LAMA2: variants seen among roughly 807,000 people sequenced by gnomAD.
LAMA2 encodes the protein laminin subunit alpha 2.
A neutral mutation model predicts 364.8 loss-of-function variants in LAMA2; 269 were observed. The ratio of observed to expected loss-of-function variants is 0.74; its 90% CI spans 0.67 to 0.82. LAMA2 has a LOEUF of 0.82. LAMA2 is among the 40% of genes least tolerant of loss of function. LAMA2 has a pLI of 0.00. For synonymous variants in LAMA2, 1,379 were observed against 1,370.6 expected, an observed-to-expected ratio of 1.01 and a Z score of -0.14; for missense variants, 3,807 against 3,873.2, an observed-to-expected ratio of 0.98 and a Z score of 0.45.
At chr6:129,157,485 T>A (rs1404558376) in intron 8 of LAMA2, 53 of 1,609,194 alleles carry the variant, frequency 3.3e-5, no homozygotes, top group Non-Finnish European at 4.1e-5. Flanking sequence ...TAAAAACAGT[T>A]CTTGCAGTCT....
At chr6:129,311,932 G>A (rs1194478040) in intron 22 of LAMA2, among the ~76,000 whole-genome samples, 2 of 142,942 alleles carry the variant, frequency 1.4e-5, no homozygotes, top group Non-Finnish European at 2.9e-5. Context: ...AGCAAGAAAT[G>A]TAAAACAAAG....
chr6:129,300,530 C>T (rs945079162), intron 21 of LAMA2, among the ~76,000 whole-genome samples: 4 of 152,054 alleles, frequency 2.6e-5, no homozygotes, highest in African/African-American at 7.2e-5. Flanking sequence ...AAATGAAATA[C>T]ATCTTATATT....
At chr6:129,320,036 G>A (rs1020448844) in intron 27 of LAMA2, among the ~76,000 whole-genome samples, 60 of 152,220 alleles carry the variant, frequency 3.9e-4, no homozygotes, top group African/African-American at 1.2e-3. Context: ...AGGAGGCTGA[G>A]GCAGGAGAAT....
intron 14 of LAMA2, among the ~76,000 whole-genome samples, chr6:129,254,788 T>G (rs1033704393): frequency 6.6e-6 from 1 of 152,202 alleles, no homozygotes; most frequent in Non-Finnish European, 1.5e-5. Flanking sequence ...ATCTTTCACC[T>G]TTAAATTATC....
At position 129,312,976 on chromosome 6, in the gene LAMA2, A is replaced by G. The variant is rs370218452; in HGVS notation, c.3290A>G (p.His1097Arg). 3.1e-6 allele frequency: 5 copies of G among 1,614,160 alleles called. No homozygotes were observed. The highest frequency in any genetic ancestry group is 4.2e-6 in the Non-Finnish European group (5 of 1,179,980). ...GAKCTECSRGHWNYPRCNLCD... is the reference protein window; with the variant it reads ...GAKCTECSRGRWNYPRCNLCD... ...AAATGTACAGAGTGCAGTCGAGGTCACTGGAACTACCCTCGCTGCAATCTC... is the reference window on the plus strand; with the variant it reads ...AAATGTACAGAGTGCAGTCGAGGTCGCTGGAACTACCCTCGCTGCAATCTC... The change falls in exon 23 of 65, where the codon CAC (histidine) becomes CGC (arginine). Residue 1097 changes from histidine to arginine, a missense_variant. Transcript: ENST00000421865.
At chr6:128,961,590 T>C (rs1781526811) in intron 1 of LAMA2, among the ~76,000 whole-genome samples, 1 of 150,372 alleles carries the variant, frequency 6.7e-6, no homozygotes, top group Non-Finnish European at 1.5e-5. Flanking sequence ...AGATGTAGAC[T>C]GGGAGGCTAT....
At chr6:129,252,557 T>C (rs1786343110) in intron 14 of LAMA2, among the ~76,000 whole-genome samples, 1 of 152,206 alleles carries the variant, frequency 6.6e-6, no homozygotes, top group South Asian at 2.1e-4. Context: ...ACGATTCCTA[T>C]ATTGAGAAAT....
At chr6:128,935,136 C>T (rs1779735764) in intron 1 of LAMA2, among the ~76,000 whole-genome samples, 1 of 152,104 alleles carries the variant, frequency 6.6e-6, no homozygotes, top group South Asian at 2.1e-4. Context: ...CATAGGTATA[C>T]ATGTGCCATG....
intron 9 of LAMA2, among the ~76,000 whole-genome samples, chr6:129,173,067 C>G (rs1013476647): frequency 2.0e-5 from 3 of 152,214 alleles, no homozygotes; most frequent in Admixed American, 6.5e-5. Flanking sequence ...CCTGCGCCCA[C>G]TGTCTGGCAT....
intron 64 of LAMA2, 59 bp from the exon 65 acceptor site, chr6:129,516,131 C>CTCTTAATATTTGGT (rs2114947232): frequency 6.4e-7 from 1 of 1,564,238 alleles, no homozygotes; most frequent in East Asian, 2.2e-5. Flanking sequence ...TTGAAACATG[C>CTCTTAATATTTGGT]TCTTAATATT....
chr6:129,508,418 A>AT (rs57872506), intron 62 of LAMA2, among the ~76,000 whole-genome samples: 1,757 of 95,502 alleles, frequency 0.018, 22 homozygotes, highest in African/African-American at 0.048. Context: ...ATGTACAATT[A>AT]TTTTTTTTTT....
chr6:129,452,026 T>C (rs1408461886), intron 45 of LAMA2, among the ~76,000 whole-genome samples: 2 of 152,188 alleles, frequency 1.3e-5, no homozygotes, highest in African/African-American at 4.8e-5. Context: ...AAGAGGGCAT[T>C]TGAACAAATG....
chr6:129,261,265 C>T (rs1040569615), intron 15 of LAMA2, among the ~76,000 whole-genome samples: 22 of 151,914 alleles, frequency 1.4e-4, no homozygotes, highest in Non-Finnish European at 2.9e-4. Context: ...TCACAATCAT[C>T]TGAAGCATAT....
chr6:129,372,323 C>A (rs1583596669), intron 34 of LAMA2, among the ~76,000 whole-genome samples: 1 of 152,198 alleles, frequency 6.6e-6, no homozygotes, highest in African/African-American at 2.4e-5. Context: ...TCTTCCTTGA[C>A]CCCTGGCAAC....
chr6:129,440,780 C>T, intron 42 of LAMA2, 36 bp from the exon 43 acceptor site: 7 of 1,595,206 alleles, frequency 4.4e-6, no homozygotes, highest in Non-Finnish European at 5.2e-6. Flanking sequence ...ACTCCACACC[C>T]TTTGTTTTGT....
intron 1 of LAMA2, among the ~76,000 whole-genome samples, chr6:128,959,402 A>G (rs1781343288): frequency 6.6e-6 from 1 of 152,170 alleles, no homozygotes; most frequent in African/African-American, 2.4e-5. Context: ...TCTTTTAGAT[A>G]TCAGCTGGCT....
Position 129,252,235 on chromosome 6 carries a change from C to A in LAMA2, c.2036C>A (p.Ala679Glu), listed in dbSNP as rs569768441. The change falls in exon 14 of 65, where the codon GCG (alanine) becomes GAG (glutamate). Residue 679 changes from alanine to glutamate, a missense_variant. By Grantham distance (107) the Ala-to-Glu change is moderately radical. Transcript: ENST00000421865. ...AGAAAGGAATTTATGACAGTGCTTGCGAATTTGAAGAGAGTCCTCCTACAA... is the reference window on the plus strand; with the variant it reads ...AGAAAGGAATTTATGACAGTGCTTGAGAATTTGAAGAGAGTCCTCCTACAA... ...VRRKEFMTVL[A>E]NLKRVLLQIT... 30 of 1,613,970 alleles carry A rather than the reference C, an allele frequency of 1.9e-5. No individual in the cohort carries two copies. The highest frequency in any genetic ancestry group is 8.9e-5 in the East Asian group (4 of 44,850).
chr6:128,975,962 C>T (rs377185794), intron 1 of LAMA2, among the ~76,000 whole-genome samples: 19 of 152,038 alleles, frequency 1.2e-4, no homozygotes, highest in Non-Finnish European at 2.2e-4. Context: ...GATCATGAAA[C>T]GCTTTGTGAG....
At position 129,315,560 on chromosome 6, in the gene LAMA2, C is replaced by T. The variant is rs1459810151; in HGVS notation, c.3640C>T (p.His1214Tyr). 1.9e-6 allele frequency: 3 copies of T among 1,614,182 alleles called. No homozygotes were observed. Among genetic ancestry groups the T allele is most frequent in the South Asian group, 2.2e-5 (2 of 91,090 alleles). The change falls in exon 25 of 65, where the codon CAT becomes TAT. Residue 1214 changes from histidine (H) to tyrosine (Y), a missense_variant. This residue lies in a region of LAMA2 where 3,333 missense variants were observed against 3,345.7 expected (regional missense o/e 1.00). Coordinates refer to ENST00000421865, the MANE Select transcript of LAMA2 (RefSeq NM_000426.4). Reference sequence around the variant, plus strand: ...GACCACCAAGGGCATTGTTTTTCAACATCCAGAGATTGTTGCCCACATGGA... The same window carrying T: ...GACCACCAAGGGCATTGTTTTTCAATATCCAGAGATTGTTGCCCACATGGA... Reference protein sequence around the residue: ...HTTTKGIVFQHPEIVAHMDLM... With the variant: ...HTTTKGIVFQYPEIVAHMDLM...
Sources: gnomAD v4.1 joint callset for allele counts (sites outside exome capture counted in the v4.1 genomes callset) on GRCh38, gnomAD v4.1.1 for gene constraint, gnomAD v4.1.1 regional missense constraint, MANE v1.5 for transcripts, NCBI Gene and HGNC (gene_info 2026-07-23, HGNC 2026-07-21) for gene names.